The following ALPK1 variants were observed in gnomAD, a reference collection of about 807,000 sequenced individuals.
The protein encoded by ALPK1 is alpha-protein kinase 1.
Under a neutral mutation model 120.6 loss-of-function variants are expected in ALPK1, and 110 were observed. The ratio of observed to expected loss-of-function variants is 0.91; its 90% CI spans 0.78 to 1.07. ALPK1 has a LOEUF of 1.07. Among genes scored for constraint, ALPK1 ranks in the 50% least tolerant of loss-of-function variants. The pLI, the probability that ALPK1 is intolerant of heterozygous loss-of-function variation, is 0.00. For missense variants in ALPK1, 1,498 were observed against 1,483.9 expected (o/e 1.01, Z -0.16); for synonymous variants, 582 against 560.3 (o/e 1.04, Z -0.55).
chr4:112,397,725 CTT>C (rs1732720753), intron 4 of ALPK1, among the ~76,000 whole-genome samples: 1 of 152,142 alleles, frequency 6.6e-6, no homozygotes, highest in Non-Finnish European at 1.5e-5. Flanking sequence ...ACTTAAATGA[CTT>C]ATGCTGGAGA....
intron 1 of ALPK1, among the ~76,000 whole-genome samples, chr4:112,298,673 G>C (rs1204606117): frequency 6.6e-6 from 1 of 152,058 alleles, no homozygotes; most frequent in Non-Finnish European, 1.5e-5. Flanking sequence ...TAAAGAAAAG[G>C]CATGTGTAAA....
chr4:112,386,420 T>A (rs1426792933), intron 4 of ALPK1, among the ~76,000 whole-genome samples: 2 of 152,204 alleles, frequency 1.3e-5, no homozygotes, highest in African/African-American at 4.8e-5. Flanking sequence ...CTGGGCAGTG[T>A]TTTTGGTATT....
chr4:112,380,288 G>A (rs1278215462), intron 3 of ALPK1, among the ~76,000 whole-genome samples: 1 of 152,228 alleles, frequency 6.6e-6, no homozygotes, highest in Non-Finnish European at 1.5e-5. Flanking sequence ...GGCTGTAAGA[G>A]GGTCAGGTTT....
intron 1 of ALPK1, among the ~76,000 whole-genome samples, chr4:112,313,618 G>T (rs1011951393): frequency 6.6e-6 from 1 of 152,206 alleles, no homozygotes; most frequent in Non-Finnish European, 1.5e-5. Flanking sequence ...AGCTACTTGG[G>T]AGGCTGAGGC....
intron 2 of ALPK1, among the ~76,000 whole-genome samples, chr4:112,355,876 G>C (rs1578493708): frequency 6.6e-6 from 1 of 152,374 alleles, no homozygotes. Flanking sequence ...GCCTGACAAA[G>C]GGGGACCCGG....
At chr4:112,425,797 C>A (rs753400003) in intron 7 of ALPK1, 46 bp downstream of exon 7, 1 of 1,483,250 alleles carries the variant, frequency 6.7e-7, no homozygotes, top group East Asian at 2.3e-5. Flanking sequence ...ATTTACAAAG[C>A]CTGGCTGCAT....
At chr4:112,317,138 T>G (rs2110539840) in intron 2 of ALPK1, among the ~76,000 whole-genome samples, 1 of 152,330 alleles carries the variant, frequency 6.6e-6, no homozygotes, top group African/African-American at 2.4e-5. Context: ...CTCTGGATAT[T>G]AACTCATTGT....
intron 5 of ALPK1, among the ~76,000 whole-genome samples, chr4:112,422,914 T>A (rs1734064757): frequency 6.6e-6 from 1 of 152,180 alleles, no homozygotes; most frequent in Non-Finnish European, 1.5e-5. Flanking sequence ...AATTTAAAGA[T>A]CCCTTAACGC....
intron 1 of ALPK1, among the ~76,000 whole-genome samples, chr4:112,306,062 T>C (rs1038739541): frequency 6.6e-6 from 1 of 152,090 alleles, no homozygotes; most frequent in Non-Finnish European, 1.5e-5. Context: ...TATTGATTTA[T>C]GTATGTTGAA....
chr4:112,364,343 G>A (rs1731046151), intron 2 of ALPK1, among the ~76,000 whole-genome samples: 1 of 151,560 alleles, frequency 6.6e-6, no homozygotes, highest in Admixed American at 6.6e-5. Flanking sequence ...GAAGAGAGAA[G>A]ATCCAAATAA....
At chr4:112,310,185 C>A (rs1728330099) in intron 1 of ALPK1, among the ~76,000 whole-genome samples, 1 of 152,056 alleles carries the variant, frequency 6.6e-6, no homozygotes, top group Non-Finnish European at 1.5e-5. Flanking sequence ...AACTCTCTAG[C>A]TCACAAGTGA....
At chr4:112,428,539 A>G (rs548466781) in intron 9 of ALPK1, among the ~76,000 whole-genome samples, 1 of 152,294 alleles carries the variant, frequency 6.6e-6, no homozygotes, top group South Asian at 2.1e-4. Context: ...TGTTCACTGA[A>G]GTTATCCCTG....
intron 4 of ALPK1, among the ~76,000 whole-genome samples, chr4:112,387,620 G>A (rs1321221418): frequency 6.6e-6 from 1 of 152,158 alleles, no homozygotes; most frequent in African/African-American, 2.4e-5. Flanking sequence ...TGATAGCCCT[G>A]ATGTTGTAAA....
At chr4:112,419,234 G>A (rs956088866) in intron 5 of ALPK1, among the ~76,000 whole-genome samples, 12 of 152,066 alleles carry the variant, frequency 7.9e-5, no homozygotes, top group Non-Finnish European at 1.5e-4. Flanking sequence ...AATTTAATTC[G>A]ACTGTAAGCC....
intron 2 of ALPK1, among the ~76,000 whole-genome samples, chr4:112,360,784 G>C (rs942175799): frequency 6.6e-6 from 1 of 152,116 alleles, no homozygotes; most frequent in Non-Finnish European, 1.5e-5. Context: ...CCCTTTTGCT[G>C]TCTTCTTGTT....
intron 5 of ALPK1, among the ~76,000 whole-genome samples, chr4:112,420,839 GAA>G (rs1401813957): frequency 7.1e-6 from 1 of 141,236 alleles, no homozygotes; most frequent in Non-Finnish European, 1.6e-5. Flanking sequence ...TACATAGAGA[GAA>G]AGAGAGAGAG....
At chr4:112,351,743 G>A (rs1185210215) in intron 2 of ALPK1, among the ~76,000 whole-genome samples, 1 of 151,994 alleles carries the variant, frequency 6.6e-6, no homozygotes, top group Non-Finnish European at 1.5e-5. Flanking sequence ...CAAACTGTTG[G>A]GATTACAGAT....
chr4:112,439,403 C>T (rs1314310169), intron 13 of ALPK1, among the ~76,000 whole-genome samples: 3 of 152,162 alleles, frequency 2.0e-5, no homozygotes, highest in African/African-American at 7.2e-5. Flanking sequence ...GGACAGGTCA[C>T]GTCATGGCCT....
rs1379222875 is a variant in ALPK1, at chr4:112,441,963, G to C, written c.*753G>C. 1 of 152,334 alleles carries C rather than the reference G, an allele frequency of 6.6e-6. No homozygotes were observed. The highest frequency in any genetic ancestry group is 2.4e-5 in the African/African-American group (1 of 41,440). The allele number at this position is 152,334 out of a possible 1,614,324, so 9.4% of individuals were successfully genotyped here. A position where few individuals can be genotyped will look rare whatever the true frequency, so the allele number is the denominator to read the frequency against. On this transcript the variant is annotated 3_prime_UTR_variant, in exon 16 of 16. Transcript: ENST00000650871. ...CTGCTATGAAGAGATACCTGAGACTGGGTAATTTAGAAAGAAAAGAGGTTT... is the reference window on the plus strand; with the variant it reads ...CTGCTATGAAGAGATACCTGAGACTCGGTAATTTAGAAAGAAAAGAGGTTT...
Sources: gnomAD v4.1 joint callset for allele counts (sites outside exome capture counted in the v4.1 genomes callset) on GRCh38, gnomAD v4.1.1 for gene constraint, MANE v1.5 for transcripts, NCBI Gene and HGNC (gene_info 2026-07-23, HGNC 2026-07-21) for gene names.